The following LMNTD1 variants were observed in gnomAD, a reference collection of about 807,000 sequenced individuals.
LMNTD1 encodes the protein lamin tail domain-containing protein 1.
Under a neutral mutation model 50.9 loss-of-function variants are expected in LMNTD1, and 35 were observed. That is an observed-to-expected ratio of 0.69 (90% CI 0.53 to 0.91). LMNTD1 has a LOEUF of 0.91. Among genes scored for constraint, LMNTD1 ranks in the 40% least tolerant of loss-of-function variants. The pLI is 0.00. For missense variants in LMNTD1, 470 were observed against 475.5 expected (o/e 0.99, Z 0.11); for synonymous variants, 153 against 161.9 (o/e 0.94, Z 0.42).
chr12:25,575,518 C>A (rs986202037), intron 1 of LMNTD1, among the ~76,000 whole-genome samples: 4 of 152,096 alleles, frequency 2.6e-5, no homozygotes, highest in African/African-American at 9.7e-5. Context: ...TGAAAAATGT[C>A]ATCTTAGAAC....
At chr12:25,601,758 T>C (rs186520843) in intron 1 of LMNTD1, among the ~76,000 whole-genome samples, 1 of 151,892 alleles carries the variant, frequency 6.6e-6, no homozygotes, top group Non-Finnish European at 1.5e-5. Context: ...GCAAAATAAG[T>C]TAATCCTTTT....
intron 6 of LMNTD1, among the ~76,000 whole-genome samples, chr12:25,520,888 G>A (rs1260552315): frequency 1.3e-5 from 2 of 152,008 alleles, no homozygotes; most frequent in Non-Finnish European, 2.9e-5. Flanking sequence ...TGTCTTTTTT[G>A]GAATAACCAT....
intron 1 of LMNTD1, among the ~76,000 whole-genome samples, chr12:25,580,729 A>T (rs1945247935): frequency 6.6e-6 from 1 of 152,226 alleles, no homozygotes; most frequent in Non-Finnish European, 1.5e-5. Context: ...GGTCAGATAT[A>T]GTAACCTCTA....
chr12:25,521,219 A>T (rs185627419), intron 6 of LMNTD1, among the ~76,000 whole-genome samples: 1 of 151,984 alleles, frequency 6.6e-6, no homozygotes, highest in Non-Finnish European at 1.5e-5. Flanking sequence ...TTAGCTTGAC[A>T]TACTCCATGC....
chr12:25,627,829 G>A (rs1034868349), intron 1 of LMNTD1, among the ~76,000 whole-genome samples: 2 of 152,072 alleles, frequency 1.3e-5, no homozygotes, highest in South Asian at 4.1e-4. Context: ...CAAAGGATGG[G>A]CCGGGCGCGG....
intron 1 of LMNTD1, among the ~76,000 whole-genome samples, chr12:25,645,785 C>A (rs1947057410): frequency 6.6e-6 from 1 of 152,168 alleles, no homozygotes; most frequent in African/African-American, 2.4e-5. Context: ...ATATGGCTAC[C>A]TCCTTCACAG....
intron 1 of LMNTD1, among the ~76,000 whole-genome samples, chr12:25,563,586 G>A (rs1207351981): frequency 6.6e-6 from 1 of 152,210 alleles, no homozygotes; most frequent in African/African-American, 2.4e-5. Flanking sequence ...ACGCTACTCA[G>A]GGGTCAGGGA....
At chr12:25,534,692 C>T (rs1195999445) in intron 4 of LMNTD1, among the ~76,000 whole-genome samples, 1 of 152,154 alleles carries the variant, frequency 6.6e-6, no homozygotes, top group Admixed American at 6.5e-5. Flanking sequence ...TTAGAAGGAA[C>T]AGTACTTGAA....
At chr12:25,515,145 C>T (rs1190788065) in intron 8 of LMNTD1, among the ~76,000 whole-genome samples, 4 of 151,324 alleles carry the variant, frequency 2.6e-5, no homozygotes, top group African/African-American at 9.7e-5. Flanking sequence ...TAATCATTGC[C>T]GTAGACATAA....
chr12:25,595,415 C>T (rs117688921), intron 1 of LMNTD1, among the ~76,000 whole-genome samples: 3 of 152,074 alleles, frequency 2.0e-5, no homozygotes, highest in Non-Finnish European at 4.4e-5. Context: ...TGGAAATCAA[C>T]TCCAAATGGA....
chr12:25,590,313 G>T (rs1392842398), intron 1 of LMNTD1, among the ~76,000 whole-genome samples: 1 of 152,088 alleles, frequency 6.6e-6, no homozygotes, highest in Non-Finnish European at 1.5e-5. Flanking sequence ...AGAAAAAAAA[G>T]GACCATCTCT....
intron 1 of LMNTD1, among the ~76,000 whole-genome samples, chr12:25,587,614 A>G (rs755109024): frequency 3.9e-5 from 6 of 152,334 alleles, no homozygotes; most frequent in African/African-American, 7.2e-5. Context: ...TCTGCCCCCC[A>G]TGATCCAATC....
intron 1 of LMNTD1, among the ~76,000 whole-genome samples, chr12:25,591,087 G>A (rs892865686): frequency 6.6e-6 from 1 of 152,284 alleles, no homozygotes; most frequent in East Asian, 1.9e-4. Context: ...TACTAGCTTG[G>A]CCACAGCAGG....
At chr12:25,563,647 G>A (rs1944429210) in intron 1 of LMNTD1, among the ~76,000 whole-genome samples, 1 of 152,162 alleles carries the variant, frequency 6.6e-6, no homozygotes, top group African/African-American at 2.4e-5. Context: ...CTCCATGCTG[G>A]GAGAACCACT....
At chr12:25,590,856 C>A (rs1945676557) in intron 1 of LMNTD1, among the ~76,000 whole-genome samples, 1 of 152,094 alleles carries the variant, frequency 6.6e-6, no homozygotes, top group Non-Finnish European at 1.5e-5. Context: ...AAGGGAGGGA[C>A]CTAATCCTGG....
intron 8 of LMNTD1, among the ~76,000 whole-genome samples, chr12:25,509,143 T>C (rs1021458106): frequency 6.6e-6 from 1 of 152,216 alleles, no homozygotes; most frequent in Non-Finnish European, 1.5e-5. Flanking sequence ...GTTTCACTCT[T>C]GTCGTCCAGG....
intron 2 of LMNTD1, 121 bp downstream of exon 2, chr12:25,552,750 A>C: frequency 1.6e-6 from 1 of 639,278 alleles, no homozygotes; most frequent in Non-Finnish European, 2.8e-6. Flanking sequence ...AAAATTTGTG[A>C]GATATATTCT....
intron 1 of LMNTD1, among the ~76,000 whole-genome samples, chr12:25,574,125 C>G (rs189293961): frequency 6.6e-6 from 1 of 152,242 alleles, no homozygotes; most frequent in Admixed American, 6.5e-5. Context: ...TCACTTTTTC[C>G]CAGACATCCA....
At chr12:25,580,288 T>C (rs1250432163) in intron 1 of LMNTD1, among the ~76,000 whole-genome samples, 1 of 152,214 alleles carries the variant, frequency 6.6e-6, no homozygotes, top group Admixed American at 6.5e-5. Context: ...GTATCTCTAT[T>C]TCAGTATTGA....
Sources: gnomAD v4.1 joint callset for allele counts (sites outside exome capture counted in the v4.1 genomes callset) on GRCh38, gnomAD v4.1.1 for gene constraint, MANE v1.5 for transcripts, NCBI Gene and HGNC (gene_info 2026-07-23, HGNC 2026-07-21) for gene names.